The following FBXL20 variants were observed in gnomAD, a reference collection of about 807,000 sequenced individuals.
FBXL20 encodes the protein F-box and leucine rich repeat protein 20, also known as F-box/LRR-repeat protein 20.
A neutral mutation model predicts 64.0 loss-of-function variants in FBXL20; 11 were observed. The observed-to-expected ratio is 0.17, with a 90% confidence interval of 0.11 to 0.28. FBXL20 has a LOEUF of 0.28. Ranked by LOEUF, FBXL20 falls within the 10% of genes least tolerant of loss-of-function variation. The probability of loss-of-function intolerance (pLI) is 1.00; values close to 1 mark genes in which losing one functional copy is unlikely to be tolerated. For synonymous variants in FBXL20, 184 were observed against 189.0 expected, an observed-to-expected ratio of 0.97 and a Z score of 0.22; for missense variants, 303 against 526.2, an observed-to-expected ratio of 0.58 and a Z score of 4.15.
chr17:39,392,739 G>A (rs879918324), intron 1 of FBXL20, among the ~76,000 whole-genome samples: 5 of 152,094 alleles, frequency 3.3e-5, no homozygotes, highest in Non-Finnish European at 5.9e-5. Flanking sequence ...GAGGCTGGGC[G>A]AGGCGGCTCA....
At chr17:39,376,809 T>C (rs1190643988) in intron 1 of FBXL20, among the ~76,000 whole-genome samples, 1 of 152,092 alleles carries the variant, frequency 6.6e-6, no homozygotes, top group Admixed American at 6.6e-5. Context: ...GAGACCAGCC[T>C]GTGCAACATA....
intron 6 of FBXL20, among the ~76,000 whole-genome samples, chr17:39,289,998 C>CAAAAAAAAAAAAAAA (rs368530587): frequency 7.2e-5 from 3 of 41,840 alleles, no homozygotes; most frequent in African/African-American, 2.2e-4. Flanking sequence ...GACTCAGTCT[C>CAAAAAAAAAAAAAAA]AAAAAAAAAA....
intron 1 of FBXL20, among the ~76,000 whole-genome samples, chr17:39,347,217 C>T (rs1009499546): frequency 3.3e-5 from 5 of 152,198 alleles, no homozygotes; most frequent in African/African-American, 9.6e-5. Flanking sequence ...GTAATGGGAT[C>T]GCTGGGTCAA....
At chr17:39,376,912 T>G (rs2047972576) in intron 1 of FBXL20, among the ~76,000 whole-genome samples, 1 of 152,112 alleles carries the variant, frequency 6.6e-6, no homozygotes, top group African/African-American at 2.4e-5. Flanking sequence ...GAGATCTAAC[T>G]TAACCGACTC....
At chr17:39,308,697 T>C (rs892422574) in intron 2 of FBXL20, among the ~76,000 whole-genome samples, 1 of 151,828 alleles carries the variant, frequency 6.6e-6, no homozygotes, top group Non-Finnish European at 1.5e-5. Context: ...CCTGAGTAGC[T>C]GGCACTACAG....
At chr17:39,298,877 G>A (rs2047109713) in intron 5 of FBXL20, 113 bp downstream of exon 5, 1 of 773,520 alleles carries the variant, frequency 1.3e-6, no homozygotes, top group Non-Finnish European at 2.2e-6. Flanking sequence ...TATAAGCAAT[G>A]TGTGGTTGCA....
chr17:39,275,112 G>T lies in FBXL20; in HGVS notation c.697-12C>A. The T allele has an allele frequency of 6.3e-7, 1 of 1,584,186 alleles. No individual in the cohort carries two copies. The highest frequency in any genetic ancestry group is 1.4e-5 in the African/African-American group (1 of 73,298). On this transcript the variant is annotated splice_polypyrimidine_tract_variant and intron_variant, in intron 9 of 14. Coordinates refer to ENST00000264658, the MANE Select transcript of FBXL20 (RefSeq NM_032875.3). Reference sequence around the variant, plus strand: ...TCATCTGTGATTTGCTAAAAAACAAGAGCAAAAAAATCCATAGATATTAGT... The same window carrying T: ...TCATCTGTGATTTGCTAAAAAACAATAGCAAAAAAATCCATAGATATTAGT...
intron 6 of FBXL20, among the ~76,000 whole-genome samples, chr17:39,287,119 G>A (rs651827): frequency 0.21 from 32,511 of 151,544 alleles, 4,002 homozygotes; most frequent in African/African-American, 0.33. Flanking sequence ...CACCATGTTG[G>A]CCAGGCTGGT....
chr17:39,263,149 G>A (rs2046762479), intron 14 of FBXL20, among the ~76,000 whole-genome samples: 1 of 152,142 alleles, frequency 6.6e-6, no homozygotes. Context: ...GGGAGGCTGA[G>A]GTGGGAGGAT....
At chr17:39,400,506 G>C (rs2048230737) in intron 1 of FBXL20, among the ~76,000 whole-genome samples, 1 of 152,148 alleles carries the variant, frequency 6.6e-6, no homozygotes, top group Non-Finnish European at 1.5e-5. Context: ...TCCTGTAGAA[G>C]TTTCTTTCTC....
chr17:39,396,533 T>C (rs2048184911), intron 1 of FBXL20, among the ~76,000 whole-genome samples: 1 of 149,052 alleles, frequency 6.7e-6, no homozygotes, highest in South Asian at 2.1e-4. Flanking sequence ...GAGGCGGAGG[T>C]TGCAGTGAGC....
chr17:39,401,229 G>C (rs1163979476), intron 1 of FBXL20, 132 bp downstream of exon 1: 17 of 1,542,834 alleles, frequency 1.1e-5, no homozygotes, highest in Non-Finnish European at 1.5e-5. Context: ...AAAGGGGAGC[G>C]GAGTCTGGCA....
chr17:39,380,508 C>A (rs1272179420), intron 1 of FBXL20, among the ~76,000 whole-genome samples: 1 of 152,158 alleles, frequency 6.6e-6, no homozygotes, highest in African/African-American at 2.4e-5. Context: ...TAACCACACA[C>A]CTTGCTTTAT....
chr17:39,393,304 AAAT>A (rs915220618), intron 1 of FBXL20, among the ~76,000 whole-genome samples: 4 of 151,828 alleles, frequency 2.6e-5, no homozygotes, highest in African/African-American at 9.6e-5. Context: ...AAAAAATAAT[AAAT>A]AATAATAATA....
At chr17:39,341,785 G>A (rs1335116966) in intron 2 of FBXL20, among the ~76,000 whole-genome samples, 1 of 152,162 alleles carries the variant, frequency 6.6e-6, no homozygotes, top group Non-Finnish European at 1.5e-5. Flanking sequence ...TGAGATTTAC[G>A]ACTTGTTTGT....
rs1316209852 is a variant in FBXL20, at chr17:39,269,439, C to T, written c.889-568G>A. Among the ~76,000 whole-genome samples, 5 of 151,892 alleles carry T rather than the reference C, an allele frequency of 3.3e-5. No individual in the cohort carries two copies. The South Asian group carries it at 6.2e-4, about 19-fold the overall frequency. On this transcript the variant is annotated intron_variant, in intron 11 of 14. Transcript: ENST00000264658. The stretch of plus-strand genomic sequence containing the variant: ...CGATCTCCTGACCTCGTGATCCGCC[C>T]GCCTCGGCCTCCCAAAATGCTGGGA...
chr17:39,268,723 C>CACTA, intron 12 of FBXL20, 104 bp downstream of exon 12: 2 of 908,384 alleles, frequency 2.2e-6, no homozygotes, highest in Non-Finnish European at 3.4e-6. Context: ...TGCTGTCAGG[C>CACTA]ACTACAGTAT....
rs1016612298 is a variant in FBXL20, at chr17:39,278,551, T to C, written c.696+2838A>G. Reference sequence around the variant, plus strand: ...TCTCAGGAGTAAACATTCCAGTCTTTTTTTTTTTTTTTTTGAGATGGAGTC... The same window carrying C: ...TCTCAGGAGTAAACATTCCAGTCTTCTTTTTTTTTTTTTTGAGATGGAGTC... On this transcript the variant is annotated intron_variant, in intron 9 of 14. Transcript: ENST00000264658. Among the ~76,000 whole-genome samples the C allele has an allele frequency of 1.1e-4, 17 of 148,606 alleles. No individual in the cohort carries two copies. In the East Asian group the frequency reaches 2.8e-3, roughly 25 times the overall value.
chr17:39,378,969 T>C (rs1238356702), intron 1 of FBXL20, among the ~76,000 whole-genome samples: 1 of 149,188 alleles, frequency 6.7e-6, no homozygotes, highest in Non-Finnish European at 1.5e-5. Flanking sequence ...GGCTCACGCC[T>C]GTAATCCCAG....
Sources: allele counts gnomAD v4.1 joint callset (sites outside exome capture counted in the v4.1 genomes callset), GRCh38; gene constraint gnomAD v4.1.1; transcripts MANE v1.5; gene names NCBI Gene and HGNC (gene_info 2026-07-23, HGNC 2026-07-21).